FYN: variants seen among roughly 807,000 people sequenced by gnomAD.
FYN encodes the protein FYN proto-oncogene, Src family tyrosine kinase.
Under a neutral mutation model 70.2 loss-of-function variants are expected in FYN, and 10 were observed. The ratio of observed to expected loss-of-function variants is 0.14; its 90% CI spans 0.09 to 0.24. The LOEUF is 0.24. FYN is among the 10% of genes least tolerant of loss of function. The pLI, the probability that FYN is intolerant of heterozygous loss-of-function variation, is 1.00. For synonymous variants in FYN, 236 were observed against 248.6 expected, an observed-to-expected ratio of 0.95 and a Z score of 0.48; for missense variants, 319 against 673.1, an observed-to-expected ratio of 0.47 and a Z score of 5.82.
chr6:111,675,630 T>C (rs771105235), intron 12 of FYN, among the ~76,000 whole-genome samples: 25 of 151,718 alleles, frequency 1.6e-4, no homozygotes, highest in Non-Finnish European at 3.2e-4. Context: ...TCGTCTCTAC[T>C]AAAAATACAA....
At chr6:111,854,437 C>T (rs1773768698) in intron 1 of FYN, among the ~76,000 whole-genome samples, 1 of 152,182 alleles carries the variant, frequency 6.6e-6, no homozygotes, top group South Asian at 2.1e-4. Flanking sequence ...TATTCCAGGC[C>T]ACTGCCTCAC....
intron 3 of FYN, among the ~76,000 whole-genome samples, chr6:111,770,039 T>G (rs1012412895): frequency 6.6e-6 from 1 of 152,104 alleles, no homozygotes; most frequent in Non-Finnish European, 1.5e-5. Context: ...CTCTTGAGAT[T>G]TAAATTAAAG....
intron 3 of FYN, among the ~76,000 whole-genome samples, chr6:111,721,186 T>A (rs955604447): frequency 1.3e-5 from 2 of 152,168 alleles, no homozygotes; most frequent in Non-Finnish European, 2.9e-5. Flanking sequence ...CAGGCTGGGT[T>A]GTGCTTTCTG....
At chr6:111,687,088 C>T (rs908158761) in intron 12 of FYN, among the ~76,000 whole-genome samples, 2 of 152,304 alleles carry the variant, frequency 1.3e-5, no homozygotes, top group Admixed American at 1.3e-4. Flanking sequence ...GTACAGGCAT[C>T]TGGGATTTCT....
At chr6:111,872,882 G>C (rs1036986622) in intron 1 of FYN, 86 bp downstream of exon 1, 8 of 151,080 alleles carry the variant, frequency 5.3e-5, no homozygotes, top group African/African-American at 1.7e-4. Context: ...CCTGCGGCGG[G>C]GGCGGCGTGC....
intron 13 of FYN, among the ~76,000 whole-genome samples, chr6:111,670,464 C>G (rs1183440154): frequency 2.0e-5 from 3 of 152,122 alleles, no homozygotes; most frequent in Non-Finnish European, 4.4e-5. Flanking sequence ...GCTTATTTAT[C>G]TTTGTTTATT....
chr6:111,763,193 A>G (rs1317357102), intron 3 of FYN, among the ~76,000 whole-genome samples: 2 of 152,172 alleles, frequency 1.3e-5, no homozygotes, highest in Non-Finnish European at 2.9e-5. Flanking sequence ...TGCTAGCCAA[A>G]CCAATGTATA....
At chr6:111,742,013 TC>T (rs1801998892) in intron 3 of FYN, among the ~76,000 whole-genome samples, 1 of 152,022 alleles carries the variant, frequency 6.6e-6, no homozygotes, top group Admixed American at 6.6e-5. Context: ...ATTAAAATAA[TC>T]CCCCATGCTA....
intron 12 of FYN, among the ~76,000 whole-genome samples, chr6:111,688,885 T>C (rs936124948): frequency 2.0e-5 from 3 of 152,152 alleles, no homozygotes; most frequent in African/African-American, 7.2e-5. Flanking sequence ...CCTTGGAGCA[T>C]GCAGGTATAT....
chr6:111,787,619 C>G (rs1771449746), intron 2 of FYN, among the ~76,000 whole-genome samples: 1 of 152,190 alleles, frequency 6.6e-6, no homozygotes, highest in African/African-American at 2.4e-5. Context: ...GCCTGGTATG[C>G]AGTAGGCATT....
chr6:111,808,777 C>T (rs1184271247), intron 2 of FYN, among the ~76,000 whole-genome samples: 2 of 152,202 alleles, frequency 1.3e-5, no homozygotes, highest in African/African-American at 4.8e-5. Context: ...CACACCCACT[C>T]ATGGAAGCAC....
chr6:111,786,986 T>C (rs2128510316), intron 2 of FYN, among the ~76,000 whole-genome samples: 1 of 152,314 alleles, frequency 6.6e-6, no homozygotes, highest in East Asian at 1.9e-4. Flanking sequence ...GATGAGTAGA[T>C]TGCAAAAATT....
chr6:111,729,126 A>T (rs1801329995), intron 3 of FYN, among the ~76,000 whole-genome samples: 1 of 152,178 alleles, frequency 6.6e-6, no homozygotes, highest in Non-Finnish European at 1.5e-5. Flanking sequence ...AAGACCAGAA[A>T]TCAGTGTAAA....
intron 13 of FYN, among the ~76,000 whole-genome samples, chr6:111,673,620 TTG>T (rs1387702780): frequency 0.023 from 2,553 of 110,122 alleles, 21 homozygotes; most frequent in Non-Finnish European, 0.033. Flanking sequence ...GTTTCTATCA[TTG>T]TTTTTTTTTT....
At chr6:111,755,382 C>A (rs1032357197) in intron 3 of FYN, among the ~76,000 whole-genome samples, 3 of 151,982 alleles carry the variant, frequency 2.0e-5, no homozygotes, top group Non-Finnish European at 4.4e-5. Flanking sequence ...TGGTTATAAC[C>A]ATTTATAAAG....
intron 3 of FYN, among the ~76,000 whole-genome samples, chr6:111,754,869 T>C (rs1802650102): frequency 6.6e-6 from 1 of 152,122 alleles, no homozygotes; most frequent in Admixed American, 6.5e-5. Context: ...ATTTAGAACT[T>C]GTTAACAGTA....
chr6:111,863,144 A>G (rs1185809413), intron 1 of FYN, among the ~76,000 whole-genome samples: 3 of 152,240 alleles, frequency 2.0e-5, no homozygotes, highest in Non-Finnish European at 4.4e-5. Flanking sequence ...GCACATCCAC[A>G]GTGACATGGA....
At chr6:111,756,445 AC>A (rs111535837) in intron 3 of FYN, among the ~76,000 whole-genome samples, 16 of 151,594 alleles carry the variant, frequency 1.1e-4, no homozygotes, top group South Asian at 4.2e-4. Flanking sequence ...TTAGATCAAA[AC>A]CAAAAAAAAA....
intron 3 of FYN, among the ~76,000 whole-genome samples, chr6:111,772,980 G>C (rs1803509843): frequency 6.6e-6 from 1 of 151,580 alleles, no homozygotes; most frequent in East Asian, 1.9e-4. Flanking sequence ...ACTATAGTAT[G>C]GTTATATAAA....
Sources: allele counts gnomAD v4.1 joint callset (sites outside exome capture counted in the v4.1 genomes callset), GRCh38; gene constraint gnomAD v4.1.1; transcripts MANE v1.5; gene names NCBI Gene and HGNC (gene_info 2026-07-23, HGNC 2026-07-21).